The following FRMPD3 variants were observed in gnomAD, a reference collection of about 807,000 sequenced individuals.
The protein encoded by FRMPD3 is FERM and PDZ domain-containing protein 3.
FRMPD3 carries 42 observed loss-of-function variants against 97.9 expected under a neutral mutation model. The ratio of observed to expected loss-of-function variants is 0.43; its 90% confidence interval spans 0.34 to 0.55. FRMPD3 has a LOEUF of 0.55. FRMPD3 is among the 20% of genes least tolerant of loss of function. The probability of loss-of-function intolerance (pLI) is 0.03; values close to 1 mark genes in which losing one functional copy is unlikely to be tolerated. For synonymous variants in FRMPD3, 577 were observed against 581.1 expected (o/e 0.99, Z 0.10); for missense variants, 1,303 against 1,457.7 (o/e 0.89, Z 1.73).
chrX:107,505,985 T>G (rs1334573447), intron 1 of FRMPD3, among the ~76,000 whole-genome samples: 4 of 111,987 alleles, frequency 3.6e-5, no homozygotes, highest in Admixed American at 9.4e-5. Context: ...CCAGAAGTTC[T>G]GCCATGGAAG....
intron 1 of FRMPD3, among the ~76,000 whole-genome samples, chrX:107,477,728 A>G (rs1200498745): frequency 2.7e-5 from 3 of 112,048 alleles, no homozygotes; most frequent in African/African-American, 9.7e-5. Flanking sequence ...AGCTGCTGCG[A>G]TGGTAGGTGG....
intron 1 of FRMPD3, among the ~76,000 whole-genome samples, chrX:107,493,177 C>CAAAAAAAAA (rs60695168): frequency 1.9e-5 from 1 of 51,718 alleles, no homozygotes; most frequent in Non-Finnish European, 3.1e-5. Flanking sequence ...GAGACCCTGT[C>CAAAAAAAAA]AAAAAAAAAA....
Position 107,530,510 on chromosome X carries a change from A to T in FRMPD3, c.250A>T (p.Arg84Trp), listed in dbSNP as rs1922897347. 2 of 1,164,040 alleles carry T rather than the reference A, an allele frequency of 1.7e-6. No homozygotes were observed. Among genetic ancestry groups the T allele is most frequent in the Non-Finnish European group, 2.3e-6 (2 of 863,001 alleles). Residue 84 changes from arginine to tryptophan, a missense_variant and splice_region_variant, in exon 3 of 15, where the codon AGG (arginine) becomes TGG (tryptophan). Arg to Trp is a moderately radical substitution (Grantham distance 101). Transcript: ENST00000683843. ...APRERLIELI[R>W]SAKEFIVLTV... Reference sequence around the variant, plus strand: ...GAGGGAGAGACTCATAGAACTTATCAGGTAACAGGGGCCTTTTGGCAGGAA... The same window carrying T: ...GAGGGAGAGACTCATAGAACTTATCTGGTAACAGGGGCCTTTTGGCAGGAA...
In FRMPD3 at chrX:107,602,723, G is replaced by A; in HGVS notation, c.4684G>A (p.Glu1562Lys). The A allele has an allele frequency of 1.7e-6, 2 of 1,209,418 alleles. No homozygotes were observed. Among genetic ancestry groups the A allele is most frequent in the Non-Finnish European group, 2.2e-6 (2 of 895,197 alleles). Residue 1562 changes from glutamate (E) to lysine (K), a missense_variant, in exon 15 of 15, where the codon GAG becomes AAG. Physicochemically the swap from Glu to Lys is moderately conservative, Grantham distance 56. Transcript: ENST00000683843. ...CAGCCCTGAGGCCTCCCGCACTCAG[G>A]AGATTGACCTCCGTGTGTCCACCTT... ...SSSPEASRTQ[E>K]IDLRVSTFEG...
At chrX:107,526,083 A>G (rs1001997065) in intron 1 of FRMPD3, among the ~76,000 whole-genome samples, 2 of 110,502 alleles carry the variant, frequency 1.8e-5, no homozygotes, top group Non-Finnish European at 3.8e-5. Flanking sequence ...CTCAAAAAAA[A>G]TAAAAATTAA....
chrX:107,499,374 TTC>T (rs1158515331), intron 1 of FRMPD3, among the ~76,000 whole-genome samples: 1 of 112,239 alleles, frequency 8.9e-6, no homozygotes, highest in Non-Finnish European at 1.9e-5. Context: ...CAAGACTACC[TTC>T]TCTCTAGAGT....
intron 13 of FRMPD3, among the ~76,000 whole-genome samples, chrX:107,586,967 A>T (rs916388388): frequency 8.9e-5 from 10 of 111,989 alleles, no homozygotes; most frequent in Non-Finnish European, 1.9e-4. Context: ...TATTAGGTCC[A>T]CTTGATCCAG....
At chrX:107,593,873 C>T (rs2147641354) in intron 13 of FRMPD3, among the ~76,000 whole-genome samples, 1 of 110,205 alleles carries the variant, frequency 9.1e-6, no homozygotes, top group South Asian at 3.8e-4. Flanking sequence ...TTTTTTGGTT[C>T]CATATAAATT....
At chrX:107,458,366 C>G (rs1931412622) in intron 1 of FRMPD3, among the ~76,000 whole-genome samples, 1 of 112,042 alleles carries the variant, frequency 8.9e-6, no homozygotes, top group South Asian at 3.8e-4. Context: ...TTTTTTTGCT[C>G]TAAACAGTAA....
At chrX:107,568,663 G>A (rs1012299446) in intron 12 of FRMPD3, among the ~76,000 whole-genome samples, 1 of 108,716 alleles carries the variant, frequency 9.2e-6, no homozygotes, top group Non-Finnish European at 1.9e-5. Context: ...GAACCTGGGA[G>A]GCAGAGGTTG....
At chrX:107,504,266 G>A (rs1382986299) in intron 1 of FRMPD3, among the ~76,000 whole-genome samples, 4 of 112,828 alleles carry the variant, frequency 3.5e-5, no homozygotes, top group South Asian at 3.6e-4. Flanking sequence ...TGCTCCCTCT[G>A]ACTTCCATTC....
intron 1 of FRMPD3, among the ~76,000 whole-genome samples, chrX:107,499,022 G>A (rs532481383): frequency 9.1e-5 from 10 of 110,177 alleles, no homozygotes; most frequent in African/African-American, 3.0e-4. Context: ...TCTCCCCTCC[G>A]GTTCATTCAA....
Position 107,603,361 on chromosome X carries a change from C to G in FRMPD3, c.5322C>G (p.Thr1774=). ...VMSTFTHSLK[T]LIK ...GCACATTCACCCACTCCTTAAAAAC[C>G]CTTATTAAGTAGGGCATCTGCCCAC... Residue 1774 remains threonine, a synonymous_variant, in exon 15 of 15, where the codon ACC becomes ACG. Transcript: ENST00000683843. 7.0e-6 allele frequency: 8 copies of G among 1,147,287 alleles called. No homozygotes were observed. The highest frequency in any genetic ancestry group is 2.0e-5 in the South Asian group (1 of 49,417). 94.5% of individuals were successfully genotyped at this position (1,147,287 alleles called of 1,213,427 possible).
At position 107,583,975 on chromosome X, in the gene FRMPD3, T is replaced by C. The variant is rs138992657; in HGVS notation, c.1441+7516T>C. Among the ~76,000 whole-genome samples the C allele has an allele frequency of 3.0e-3, 315 of 106,636 alleles. 1 individual carries two copies. Among genetic ancestry groups the C allele is most frequent in the African/African-American group, 0.01 (306 of 29,227 alleles). The allele number at this position is 106,636 out of a possible 115,157, so 92.6% of individuals were successfully genotyped here. ...CCTCCGCCTCCTGAGTTCAAGCAAC[T>C]CTTGCCTCAGCCTCCCGAGTAGCTG... On this transcript the variant is annotated intron_variant, in intron 13 of 14. Coordinates refer to ENST00000683843, the MANE Select transcript of FRMPD3 (RefSeq NM_001388459.1).
chrX:107,455,978 C>T (rs1306623873), intron 1 of FRMPD3, among the ~76,000 whole-genome samples: 1 of 111,168 alleles, frequency 9.0e-6, no homozygotes, highest in Non-Finnish European at 1.9e-5. Flanking sequence ...TGAGCAAGTA[C>T]GTAGGGTGGC....
chrX:107,528,271 CA>C, intron 2 of FRMPD3, among the ~76,000 whole-genome samples: 1 of 111,478 alleles, frequency 9.0e-6, no homozygotes, highest in East Asian at 2.8e-4. Context: ...GTAATAAAGA[CA>C]AAAAAAGTGT....
intron 2 of FRMPD3, among the ~76,000 whole-genome samples, chrX:107,528,698 G>T (rs1922800134): frequency 8.9e-6 from 1 of 112,873 alleles, no homozygotes. Context: ...GAGACTCAGA[G>T]AGATTAAATG....
rs143746192 is a variant in FRMPD3 at position 107,584,227 on chromosome X, C to T, written c.1441+7768C>T. Among the ~76,000 whole-genome samples the T allele has an allele frequency of 7.1e-4, 79 of 111,080 alleles. No homozygotes were observed. The Middle Eastern group carries it at 0.018, about 26-fold the overall frequency. ...CATTTTTTCATATGTTCGTTGGCCG[C>T]GTAAATGTCTTCTTTTGAGAAGTGT... On this transcript the variant is annotated intron_variant, in intron 13 of 14. Transcript: ENST00000683843.
intron 13 of FRMPD3, among the ~76,000 whole-genome samples, chrX:107,579,603 G>A (rs1401121519): frequency 8.9e-6 from 1 of 111,842 alleles, no homozygotes; most frequent in Non-Finnish European, 1.9e-5. Context: ...ATATATAAGA[G>A]ATTCAATAGA....
Sources: gnomAD v4.1 joint callset for allele counts (sites outside exome capture counted in the v4.1 genomes callset) on GRCh38, gnomAD v4.1.1 for gene constraint, MANE v1.5 for transcripts, NCBI Gene and HGNC (gene_info 2026-07-23, HGNC 2026-07-21) for gene names.